Variants in NDEL1 observed in about 807,000 individuals in gnomAD.
NDEL1 encodes nudE neurodevelopment protein 1 like 1.
A neutral mutation model predicts 45.7 loss-of-function variants in NDEL1; 9 were observed. The observed-to-expected ratio is 0.20, with a 90% CI of 0.12 to 0.34. The LOEUF (loss-of-function observed/expected upper bound fraction) is 0.34, where lower values mean the gene tolerates loss of function less well. Among genes scored for constraint, NDEL1 ranks in the 10% least tolerant of loss-of-function variants. NDEL1 has a pLI of 1.00. For missense variants in NDEL1, 306 were observed against 406.2 expected (o/e 0.75, Z 2.12); for synonymous variants, 133 against 158.6 (o/e 0.84, Z 1.21).
At chr17:8,451,900 G>C (rs1487518203) in intron 6 of NDEL1, among the ~76,000 whole-genome samples, 6 of 152,136 alleles carry the variant, frequency 3.9e-5, no homozygotes, top group Non-Finnish European at 8.8e-5. Context: ...CTACTCAATA[G>C]TCACCAGCCC....
intron 1 of NDEL1, among the ~76,000 whole-genome samples, chr17:8,415,892 C>T (rs58616517): frequency 0.018 from 2,737 of 152,176 alleles, 73 homozygotes; most frequent in African/African-American, 0.062. Flanking sequence ...GGATTACAGG[C>T]GCCTGCCACC....
chr17:8,423,290 A>T (rs1213321818), intron 1 of NDEL1, among the ~76,000 whole-genome samples: 1 of 152,212 alleles, frequency 6.6e-6, no homozygotes, highest in African/African-American at 2.4e-5. Flanking sequence ...AAAGTCTCAG[A>T]TATCATTATG....
downstream of NDEL1, among the ~76,000 whole-genome samples, chr17:8,471,339 A>C (rs1276386834): frequency 3.3e-5 from 5 of 152,160 alleles, no homozygotes; most frequent in African/African-American, 1.2e-4. Flanking sequence ...CCATTCTGTA[A>C]ATTTTGATGC....
In NDEL1 at chr17:8,465,289, T is replaced by C. The variant is rs1432081342; in HGVS notation, c.945-1641T>C. 6.6e-6 allele frequency: 1 copy of C among 151,920 alleles called. No homozygotes were observed. The highest frequency in any genetic ancestry group is 2.4e-5 in the African/African-American group (1 of 41,326). 9.4% of individuals were successfully genotyped at this position (151,920 alleles called of 1,614,324 possible). ...GCACAGGCCTGTGACCTTGGGAGAG[T>C]GGGAAGGATGATTTCAAACTTGCAA... On this transcript the variant is annotated intron_variant, in intron 8 of 8. Coordinates refer to ENST00000334527, the MANE Select transcript of NDEL1 (RefSeq NM_030808.5). This position sits in a 1 kb window ranked among gnomAD's most constrained non-coding sequence, Gnocchi z 4.9.
chr17:8,473,856 T>A (rs894201326), intron 3 of NDEL1, among the ~76,000 whole-genome samples: 9 of 152,274 alleles, frequency 5.9e-5, no homozygotes, highest in South Asian at 2.1e-4. Flanking sequence ...TCAATGCGTG[T>A]CTGCCTGAAA....
At chr17:8,471,212 G>A (rs140616777), downstream of NDEL1, among the ~76,000 whole-genome samples, 129 of 152,280 alleles carry the variant, frequency 8.5e-4, no homozygotes, top group Non-Finnish European at 6.2e-4. Context: ...GTGCAATGGC[G>A]TGATCTTGGC....
chr17:8,440,680 C>T (rs1268930808), intron 1 of NDEL1, among the ~76,000 whole-genome samples: 1 of 152,164 alleles, frequency 6.6e-6, no homozygotes, highest in Non-Finnish European at 1.5e-5. Flanking sequence ...AGGGGACACT[C>T]ATGGAAAAGT....
chr17:8,454,879 A>G lies in NDEL1; in HGVS notation c.784A>G (p.Lys262Glu), dbSNP rs1910732924. Residue 262 changes from lysine (K) to glutamate (E), a missense_variant, in exon 7 of 9, where the codon AAA (lysine) becomes GAA (glutamate). This residue lies in a region of NDEL1 where 175 missense variants were observed against 205.2 expected (regional missense o/e 0.85). Transcript: ENST00000334527. Reference sequence around the variant, plus strand: ...AAACATCGTGGGGGATCTCTTACGGAAAGTAGGGGTAAGTTTCAATTATTT... The same window carrying G: ...AAACATCGTGGGGGATCTCTTACGGGAAGTAGGGGTAAGTTTCAATTATTT... ...ALNIVGDLLR[K>E]VGALESKLAA... is the part of the protein sequence containing the mutation. 1.2e-6 allele frequency: 2 copies of G among 1,612,634 alleles called. No individual in the cohort carries two copies. The highest frequency in any genetic ancestry group is 1.3e-5 in the African/African-American group (1 of 74,838).
At chr17:8,457,999 G>A (rs1011927168) in intron 7 of NDEL1, among the ~76,000 whole-genome samples, 2 of 151,988 alleles carry the variant, frequency 1.3e-5, no homozygotes, top group East Asian at 1.9e-4. Context: ...TCTTGAAAGC[G>A]TGTCCCCATT....
At chr17:8,432,423 T>C (rs375134392), upstream of NDEL1, among the ~76,000 whole-genome samples, 10 of 128,954 alleles carry the variant, frequency 7.8e-5, no homozygotes, top group South Asian at 5.2e-4. Context: ...CTCGCTCTGT[T>C]GCCCAGGCTG....
chr17:8,426,821 A>C (rs1376548846), intron 1 of NDEL1, among the ~76,000 whole-genome samples: 3 of 152,038 alleles, frequency 2.0e-5, no homozygotes, highest in Non-Finnish European at 4.4e-5. Context: ...GGCTCTTGAA[A>C]CCTCAGTTTA....
chr17:8,467,881 A>C lies in NDEL1; in HGVS notation c.*858A>C, dbSNP rs1911713145. The C allele has an allele frequency of 6.5e-6, 1 of 152,686 alleles. No individual in the cohort carries two copies. Among genetic ancestry groups the C allele is most frequent in the Non-Finnish European group, 1.5e-5 (1 of 68,070 alleles). 9.5% of individuals were successfully genotyped at this position (152,686 alleles called of 1,614,324 possible). A position where few individuals can be genotyped will look rare whatever the true frequency, so the allele number is the denominator to read the frequency against. ...CGGTGCCAGCTCCGGGGTGGACTGA[A>C]CAGCGGCGGCTGTCCCTGTGCATCC... On this transcript the variant is annotated 3_prime_UTR_variant, in exon 9 of 9. Coordinates refer to ENST00000334527, the MANE Select transcript of NDEL1 (RefSeq NM_030808.5). The surrounding 1 kb of genome is among the most constrained non-coding windows in gnomAD (Gnocchi z 6.3).
intron 7 of NDEL1, among the ~76,000 whole-genome samples, chr17:8,459,446 A>G (rs563439328): frequency 3.9e-5 from 6 of 152,334 alleles, no homozygotes; most frequent in African/African-American, 1.4e-4. Flanking sequence ...TTAATTACAG[A>G]CAAAGGGTAT....
At position 8,467,046 on chromosome 17, in the gene NDEL1, C is replaced by T. The variant is rs753856520; in HGVS notation, c.*23C>T. The T allele has an allele frequency of 2.5e-6, 4 of 1,611,450 alleles. No individual in the cohort carries two copies. In the South Asian group the frequency reaches 4.4e-5, roughly 18 times the overall value. On this transcript the variant is annotated 3_prime_UTR_variant, in exon 9 of 9. Coordinates refer to ENST00000334527, the MANE Select transcript of NDEL1 (RefSeq NM_030808.5). This position sits in a 1 kb window ranked among gnomAD's most constrained non-coding sequence, Gnocchi z 6.3. The stretch of plus-strand genomic sequence containing the variant: ...TGAGTGCCTAGCCTCCAGGTGGGGG[C>T]TCCTGCCCTCCTCCAACAACCCAGG...
downstream of NDEL1, among the ~76,000 whole-genome samples, chr17:8,472,995 C>T (rs377737257): frequency 3.3e-5 from 5 of 152,154 alleles, no homozygotes; most frequent in East Asian, 5.8e-4. Context: ...GAATGCCCAA[C>T]GAAGGTTGTA....
At chr17:8,451,514 G>A (rs541079238) in intron 6 of NDEL1, among the ~76,000 whole-genome samples, 6 of 152,234 alleles carry the variant, frequency 3.9e-5, no homozygotes, top group African/African-American at 1.4e-4. Flanking sequence ...ATGTAAGACC[G>A]GCTTGGATGG....
intron 7 of NDEL1, among the ~76,000 whole-genome samples, chr17:8,455,672 CA>C (rs1910788297): frequency 8.1e-6 from 1 of 123,688 alleles, no homozygotes; most frequent in South Asian, 2.6e-4. Flanking sequence ...GGGCAACAGA[CA>C]GCAAGACTCC....
intron 1 of NDEL1, among the ~76,000 whole-genome samples, chr17:8,416,871 T>A (rs889290907): frequency 6.6e-6 from 1 of 152,222 alleles, no homozygotes. Context: ...TTTGTTCTCC[T>A]GTTTTGGAAG....
At chr17:8,428,954 T>C (rs918819921) in intron 1 of NDEL1, among the ~76,000 whole-genome samples, 3 of 152,152 alleles carry the variant, frequency 2.0e-5, no homozygotes, top group Non-Finnish European at 4.4e-5. Flanking sequence ...ATTACAGGCA[T>C]GAGCCACCGC....
Sources: allele counts gnomAD v4.1 joint callset (sites outside exome capture counted in the v4.1 genomes callset), GRCh38; gene constraint gnomAD v4.1.1; regional missense constraint gnomAD v4.1.1; non-coding constraint Gnocchi (gnomAD v3.1); transcripts MANE v1.5; gene names NCBI Gene and HGNC (gene_info 2026-07-23, HGNC 2026-07-21).